The following ZNF804B variants were observed in gnomAD, a reference collection of about 807,000 sequenced individuals.
ZNF804B encodes the protein zinc finger 804B.
Under a neutral mutation model 101.4 loss-of-function variants are expected in ZNF804B, and 80 were observed. The ratio of observed to expected loss-of-function variants is 0.79; its 90% confidence interval spans 0.66 to 0.95. The LOEUF is 0.95. ZNF804B is among the 40% of genes least tolerant of loss of function. The pLI is 0.00. For synonymous variants in ZNF804B, 622 were observed against 558.8 expected (o/e 1.11, Z -1.59); for missense variants, 1,673 against 1,561.9 (o/e 1.07, Z -1.20).
chr7:89,162,272 TATC>T (rs1791078342), intron 1 of ZNF804B, among the ~76,000 whole-genome samples: 1 of 152,186 alleles, frequency 6.6e-6, no homozygotes, highest in Non-Finnish European at 1.5e-5. Context: ...TCTGAAGATT[TATC>T]ATGATTTCAT....
chr7:89,224,752 A>G (rs1544574), intron 2 of ZNF804B, among the ~76,000 whole-genome samples: 1,918 of 69,072 alleles, frequency 0.028, 42 homozygotes, highest in African/African-American at 0.1. Flanking sequence ...GTGTGTGTGT[A>G]TGAGTGTGTG....
At chr7:89,295,501 C>T (rs1358273314) in intron 2 of ZNF804B, among the ~76,000 whole-genome samples, 4 of 151,998 alleles carry the variant, frequency 2.6e-5, no homozygotes, top group African/African-American at 7.2e-5. Flanking sequence ...TTTTTGTTTC[C>T]ATCAGTTTCT....
chr7:88,869,174 T>G (rs150278650), intron 1 of ZNF804B, among the ~76,000 whole-genome samples: 27 of 152,346 alleles, frequency 1.8e-4, no homozygotes, highest in African/African-American at 6.5e-4. Context: ...TTCTTTAATA[T>G]AAGGCTTACA....
chr7:88,764,021 T>C (rs1236099446), intron 1 of ZNF804B, among the ~76,000 whole-genome samples: 1 of 152,168 alleles, frequency 6.6e-6, no homozygotes, highest in African/African-American at 2.4e-5. Context: ...TATAGATTAA[T>C]TCAGTGTTCA....
At chr7:89,063,271 A>G (rs1283852490) in intron 1 of ZNF804B, among the ~76,000 whole-genome samples, 2 of 152,274 alleles carry the variant, frequency 1.3e-5, no homozygotes, top group East Asian at 1.9e-4. Context: ...GACCTATTGC[A>G]TGTCTGATGC....
intron 1 of ZNF804B, among the ~76,000 whole-genome samples, chr7:88,997,842 C>T (rs1788224004): frequency 6.6e-6 from 1 of 152,072 alleles, no homozygotes; most frequent in African/African-American, 2.4e-5. Flanking sequence ...GTTGAAATGC[C>T]ATTTTGCCAT....
chr7:89,187,061 A>G (rs1259984217), intron 1 of ZNF804B, among the ~76,000 whole-genome samples: 1 of 152,134 alleles, frequency 6.6e-6, no homozygotes, highest in Non-Finnish European at 1.5e-5. Context: ...ATTTACTCTC[A>G]GCATTTTATT....
intron 1 of ZNF804B, among the ~76,000 whole-genome samples, chr7:89,027,049 G>A (rs559341540): frequency 2.0e-5 from 3 of 152,108 alleles, no homozygotes; most frequent in Admixed American, 1.3e-4. Flanking sequence ...GAAATAAAGA[G>A]TTGACAAATG....
At chr7:88,844,540 A>T (rs546386638) in intron 1 of ZNF804B, among the ~76,000 whole-genome samples, 9 of 152,302 alleles carry the variant, frequency 5.9e-5, no homozygotes, top group African/African-American at 2.2e-4. Flanking sequence ...GGTTAAATTC[A>T]TATTATAGTA....
Position 88,928,585 on chromosome 7 carries a change from G to C in ZNF804B, c.108+168501G>C, listed in dbSNP as rs371605053. ...GTGTTTTGATTTCTGAAGAGATCCA[G>C]GGGTGTTTCCCTTAAAAAGAAGCAA... On this transcript the variant is annotated intron_variant, in intron 1 of 3. Coordinates refer to ENST00000333190, the MANE Select transcript of ZNF804B (RefSeq NM_181646.5). Among the ~76,000 whole-genome samples the C allele has an allele frequency of 2.0e-5, 3 of 152,098 alleles. No individual in the cohort carries two copies. The East Asian group carries it at 5.8e-4, about 29-fold the overall frequency.
Position 89,334,678 on chromosome 7 carries a change from T to G in ZNF804B, c.1696T>G (p.Tyr566Asp). 6.2e-7 allele frequency: 1 copy of G among 1,613,696 alleles called. No individual in the cohort carries two copies. The highest frequency in any genetic ancestry group is 8.5e-7 in the Non-Finnish European group (1 of 1,179,812). ...TGATTCTGAGCCAAATAAGAGTGAA[T>G]ATACTTTCAGTGCAAATGATTTGGA... ...YSDSEPNKSE[Y>D]TFSANDLEMK... Residue 566 changes from tyrosine (Y) to aspartate (D), a missense_variant, in exon 4 of 4, where the codon TAT becomes GAT. Coordinates refer to ENST00000333190, the MANE Select transcript of ZNF804B (RefSeq NM_181646.5).
Position 89,337,036 on chromosome 7 carries a change from G to A in ZNF804B, c.*4G>A. 2 of 1,608,192 alleles carry A rather than the reference G, an allele frequency of 1.2e-6. No homozygotes were observed. Among genetic ancestry groups the A allele is most frequent in the Non-Finnish European group, 1.7e-6 (2 of 1,175,882 alleles). On this transcript the variant is annotated 3_prime_UTR_variant, in exon 4 of 4. Transcript: ENST00000333190. ...TGTGTCCACACACTTGAACTAATAA[G>A]TGTTAAAGCCCCTCCTGTGGATAAT...
chr7:89,068,811 G>A (rs1789493833), intron 1 of ZNF804B, among the ~76,000 whole-genome samples: 1 of 152,180 alleles, frequency 6.6e-6, no homozygotes, highest in Admixed American at 6.6e-5. Context: ...TGTTAGACTA[G>A]TCTAGGAAAT....
chr7:88,901,052 T>C (rs1443933279), intron 1 of ZNF804B, among the ~76,000 whole-genome samples: 1 of 151,860 alleles, frequency 6.6e-6, no homozygotes, highest in Non-Finnish European at 1.5e-5. Context: ...ATTAGTGGCT[T>C]TTTCAGCCAT....
chr7:89,303,900 G>C (rs1427865265), intron 2 of ZNF804B, among the ~76,000 whole-genome samples: 2 of 151,786 alleles, frequency 1.3e-5, no homozygotes, highest in Non-Finnish European at 2.9e-5. Context: ...TGTTAATAAA[G>C]ATAAGAAACA....
At chr7:88,902,642 A>G (rs1057126332) in intron 1 of ZNF804B, among the ~76,000 whole-genome samples, 1 of 152,178 alleles carries the variant, frequency 6.6e-6, no homozygotes, top group Admixed American at 6.5e-5. Context: ...ATTTTAAAAT[A>G]TATGTTTATA....
chr7:89,156,097 CTT>C, intron 1 of ZNF804B, among the ~76,000 whole-genome samples: 1 of 141,454 alleles, frequency 7.1e-6, no homozygotes, highest in Non-Finnish European at 1.5e-5. Context: ...TCCTTTCTTT[CTT>C]TCTCTCTTTC....
At position 88,836,392 on chromosome 7, in the gene ZNF804B, G is replaced by A. The variant is rs183925641; in HGVS notation, c.108+76308G>A. On this transcript the variant is annotated intron_variant, in intron 1 of 3. Coordinates refer to ENST00000333190, the MANE Select transcript of ZNF804B (RefSeq NM_181646.5). ...ATGTTTTCTGGAAAAGATGTGAAAG[G>A]CTTGGACTTAAAAGTCCCATGGGGC... Among the ~76,000 whole-genome samples the A allele has an allele frequency of 2.7e-3, 416 of 151,892 alleles. 1 individual carries two copies. Among genetic ancestry groups the A allele is most frequent in the Non-Finnish European group, 4.4e-3 (299 of 67,860 alleles).
At chr7:89,120,718 C>A (rs971069958) in intron 1 of ZNF804B, among the ~76,000 whole-genome samples, 1 of 150,948 alleles carries the variant, frequency 6.6e-6, no homozygotes, top group Non-Finnish European at 1.5e-5. Context: ...CACCTTATGT[C>A]CAATGAATTG....
Sources: gnomAD v4.1 joint callset for allele counts (sites outside exome capture counted in the v4.1 genomes callset) on GRCh38, gnomAD v4.1.1 for gene constraint, MANE v1.5 for transcripts, NCBI Gene and HGNC (gene_info 2026-07-23, HGNC 2026-07-21) for gene names.